Variants in RGS7 observed in about 807,000 individuals in gnomAD.
The protein encoded by RGS7 is regulator of G protein signaling 7, also known as regulator of G-protein signaling 7.
A neutral mutation model predicts 81.1 loss-of-function variants in RGS7; 27 were observed. That is an observed-to-expected ratio of 0.33 (90% CI 0.25 to 0.46). RGS7 has a LOEUF of 0.46. RGS7 is among the 20% of genes least tolerant of loss of function. The pLI, the probability that RGS7 is intolerant of heterozygous loss-of-function variation, is 1.00. For missense variants in RGS7, 396 were observed against 607.4 expected, an observed-to-expected ratio of 0.65 and a Z score of 3.66; for synonymous variants, 208 against 207.7, an observed-to-expected ratio of 1.00 and a Z score of -0.01.
chr1:240,915,450 A>G (rs1419846555), intron 6 of RGS7, among the ~76,000 whole-genome samples: 3 of 152,190 alleles, frequency 2.0e-5, no homozygotes, highest in Non-Finnish European at 4.4e-5. Flanking sequence ...ATAATAACAG[A>G]TGAACGCAAC....
chr1:241,080,475 A>G (rs2063070297), intron 3 of RGS7, among the ~76,000 whole-genome samples: 1 of 152,100 alleles, frequency 6.6e-6, no homozygotes, highest in Non-Finnish European at 1.5e-5. Flanking sequence ...GCAATAGATT[A>G]ACTACCTAGG....
intron 6 of RGS7, among the ~76,000 whole-genome samples, chr1:240,882,152 T>C (rs1666516353): frequency 6.6e-6 from 1 of 152,124 alleles, no homozygotes; most frequent in East Asian, 1.9e-4. Context: ...TGAGCACAAG[T>C]GATCCACCCG....
At chr1:241,080,663 T>C (rs1482205788) in intron 3 of RGS7, among the ~76,000 whole-genome samples, 1 of 152,188 alleles carries the variant, frequency 6.6e-6, no homozygotes, top group Non-Finnish European at 1.5e-5. Flanking sequence ...AAAATAAGGA[T>C]AAAGTCCAAA....
intron 18 of RGS7, among the ~76,000 whole-genome samples, chr1:240,799,539 T>C (rs1687685648): frequency 6.6e-6 from 1 of 152,098 alleles, no homozygotes; most frequent in Admixed American, 6.6e-5. Context: ...GTCTATACCA[T>C]TGGGTACCTT....
intron 2 of RGS7, among the ~76,000 whole-genome samples, chr1:241,228,069 G>A (rs2075425021): frequency 6.6e-6 from 1 of 152,168 alleles, no homozygotes; most frequent in South Asian, 2.1e-4. Flanking sequence ...GAAAAGCCAT[G>A]GGGCTTGTGC....
At chr1:241,033,253 A>C (rs1267224385) in intron 3 of RGS7, among the ~76,000 whole-genome samples, 4 of 152,090 alleles carry the variant, frequency 2.6e-5, no homozygotes, top group Admixed American at 2.0e-4. Flanking sequence ...CAGGAGGCTG[A>C]GGCAGGAGAA....
intron 3 of RGS7, among the ~76,000 whole-genome samples, chr1:241,037,224 A>T (rs2060373359): frequency 1.3e-5 from 2 of 152,114 alleles, no homozygotes. Flanking sequence ...TAAGATAGAG[A>T]TGTGTTATTT....
intron 9 of RGS7, among the ~76,000 whole-genome samples, chr1:240,854,265 T>C (rs550546292): frequency 6.6e-6 from 1 of 152,342 alleles, no homozygotes; most frequent in Admixed American, 6.5e-5. Context: ...TCACTCTTGA[T>C]AATACAACTG....
intron 2 of RGS7, among the ~76,000 whole-genome samples, chr1:241,281,187 A>T (rs2078486882): frequency 6.6e-6 from 1 of 152,254 alleles, no homozygotes. Context: ...TTGCCCACAC[A>T]AACACTTACA....
At chr1:240,916,411 C>T (rs1036411368) in intron 6 of RGS7, among the ~76,000 whole-genome samples, 3 of 151,974 alleles carry the variant, frequency 2.0e-5, no homozygotes, top group African/African-American at 7.2e-5. Flanking sequence ...GAACAGAAGA[C>T]ATATTTGAAG....
intron 2 of RGS7, among the ~76,000 whole-genome samples, chr1:241,218,544 C>G (rs2074708279): frequency 6.6e-6 from 1 of 152,214 alleles, no homozygotes. Flanking sequence ...TCAGAATCAC[C>G]TAGAGGGGCT....
intron 2 of RGS7, among the ~76,000 whole-genome samples, chr1:241,307,030 G>A (rs1181390415): frequency 2.0e-5 from 3 of 152,204 alleles, no homozygotes; most frequent in Non-Finnish European, 4.4e-5. Context: ...TTGTTCACCT[G>A]TTGAATGTGT....
intron 3 of RGS7, among the ~76,000 whole-genome samples, chr1:241,075,855 G>A (rs992491345): frequency 2.6e-5 from 4 of 152,190 alleles, no homozygotes; most frequent in African/African-American, 9.7e-5. Flanking sequence ...TCACCTTGAG[G>A]TACTGTGGAG....
At chr1:241,040,780 G>A (rs2060576031) in intron 3 of RGS7, among the ~76,000 whole-genome samples, 1 of 152,052 alleles carries the variant, frequency 6.6e-6, no homozygotes, top group South Asian at 2.1e-4. Flanking sequence ...GGGAGCCACT[G>A]CACCCAGGCT....
chr1:241,102,346 G>GA (rs1182954118), intron 2 of RGS7, among the ~76,000 whole-genome samples: 2 of 152,180 alleles, frequency 1.3e-5, no homozygotes, highest in African/African-American at 4.8e-5. Flanking sequence ...GGACCCCAGG[G>GA]AAACCCTGGA....
intron 6 of RGS7, among the ~76,000 whole-genome samples, chr1:240,880,957 G>T (rs1180000003): frequency 6.6e-6 from 1 of 152,050 alleles, no homozygotes; most frequent in Non-Finnish European, 1.5e-5. Flanking sequence ...CTTCTGGAAA[G>T]TATGGTGTAT....
intron 2 of RGS7, among the ~76,000 whole-genome samples, chr1:241,152,785 C>T (rs7528712): frequency 6.6e-6 from 1 of 152,078 alleles, no homozygotes; most frequent in Non-Finnish European, 1.5e-5. Context: ...TGGCCAGCAA[C>T]GTTCCAGGGG....
intron 6 of RGS7, among the ~76,000 whole-genome samples, chr1:240,892,590 C>A (rs1443165368): frequency 2.0e-5 from 3 of 152,120 alleles, no homozygotes; most frequent in Non-Finnish European, 4.4e-5. Context: ...AGGGGTTTCT[C>A]CATACATAAT....
At chr1:240,806,578 T>A (rs1688887236) in intron 14 of RGS7, among the ~76,000 whole-genome samples, 1 of 149,304 alleles carries the variant, frequency 6.7e-6, no homozygotes, top group Non-Finnish European at 1.5e-5. Context: ...TAAAAAATAT[T>A]AATAAAAATA....
Sources: allele counts gnomAD v4.1 joint callset (sites outside exome capture counted in the v4.1 genomes callset), GRCh38; gene constraint gnomAD v4.1.1; transcripts MANE v1.5; gene names NCBI Gene and HGNC (gene_info 2026-07-23, HGNC 2026-07-21).